Variants in CLSPN observed in about 807,000 individuals in gnomAD.
CLSPN encodes claspin homolog.
CLSPN carries 85 observed loss-of-function variants against 156.3 expected under a neutral mutation model. That is an observed-to-expected ratio of 0.54 (90% confidence interval 0.46 to 0.65). The LOEUF is 0.65. Ranked by LOEUF, CLSPN falls within the 30% of genes least tolerant of loss-of-function variation. CLSPN has a pLI of 0.00. For missense variants in CLSPN, 1,407 were observed against 1,554.9 expected (o/e 0.90, Z 1.60); for synonymous variants, 534 against 542.4 (o/e 0.98, Z 0.22).
At chr1:35,764,042 C>T (rs1200496054) in intron 3 of CLSPN, among the ~76,000 whole-genome samples, 1 of 152,066 alleles carries the variant, frequency 6.6e-6, no homozygotes, top group African/African-American at 2.4e-5. Context: ...TTAAGTGACC[C>T]TCTGGCCTCA....
chr1:35,733,009 T>G lies in CLSPN; in HGVS notation c.*3487A>C. ...AGAGGGAGTCTCACTCTGTCGCCCA[T>G]GCTGGAGAGCAGTGGCGTGATCTCG... On this transcript the variant is annotated 3_prime_UTR_variant, in exon 25 of 25. Transcript: ENST00000318121. 1.1e-6 allele frequency: 1 copy of G among 951,194 alleles called. No homozygotes were observed. Among genetic ancestry groups the G allele is most frequent in the Non-Finnish European group, 1.3e-6 (1 of 798,946 alleles). 58.9% of individuals were successfully genotyped at this position (951,194 alleles called of 1,614,324 possible). A position where few individuals can be genotyped will look rare whatever the true frequency, so the allele number is the denominator to read the frequency against.
In CLSPN at chr1:35,734,542, G is replaced by A. The variant is rs1641397194; in HGVS notation, c.*1954C>T. 2 of 286,992 alleles carry A rather than the reference G, an allele frequency of 7.0e-6. No homozygotes were observed. The highest frequency in any genetic ancestry group is 6.5e-5 in the Admixed American group (1 of 15,370). 17.8% of individuals were successfully genotyped at this position (286,992 alleles called of 1,614,324 possible). A position where few individuals can be genotyped will look rare whatever the true frequency, so the allele number is the denominator to read the frequency against. On this transcript the variant is annotated 3_prime_UTR_variant, in exon 25 of 25. Transcript: ENST00000318121. ...TAAAAATACAAAAAATTAGCTGGGA[G>A]TGGTGGCAGGTGCCTGTAATCCCTG...
intron 24 of CLSPN, among the ~76,000 whole-genome samples, chr1:35,721,534 C>T (rs574279784): frequency 6.6e-6 from 1 of 152,040 alleles, no homozygotes; most frequent in Admixed American, 6.5e-5. Flanking sequence ...GTTACAGGCG[C>T]GTGCCACCAC....
At position 35,764,682 on chromosome 1, in the gene CLSPN, A is replaced by G; in HGVS notation, c.166T>C (p.Leu56=). ...TCTTGTAGAACCTTCCTGTTTTTCA[A>G]CTTCTTACTTACAAATATCTCTTCA... ...SDEEIFVSKK[L]KNRKVLQDSD... The change falls in exon 3 of 25, where the codon TTG becomes CTG. Residue 56 remains leucine (L), a synonymous_variant. Transcript: ENST00000318121. 2 of 1,581,314 alleles carry G rather than the reference A, an allele frequency of 1.3e-6. No homozygotes were observed. The highest frequency in any genetic ancestry group is 8.5e-7 in the Non-Finnish European group (1 of 1,170,330).
In CLSPN at chr1:35,733,406, C is replaced by A. The variant is rs1641368361; in HGVS notation, c.*3090G>T. ...CTGAGTTCAAGCAATGCACCCACCTCAGTCTCCTAAAGTGCTGGCGTGAGC... is the reference window on the plus strand; with the variant it reads ...CTGAGTTCAAGCAATGCACCCACCTAAGTCTCCTAAAGTGCTGGCGTGAGC... On this transcript the variant is annotated 3_prime_UTR_variant, in exon 25 of 25. Transcript: ENST00000318121. 6 of 908,756 alleles carry A rather than the reference C, an allele frequency of 6.6e-6. No individual in the cohort carries two copies. Among genetic ancestry groups the A allele is most frequent in the Non-Finnish European group, 7.9e-6 (6 of 762,456 alleles). The allele number at this position is 908,756 out of a possible 1,614,324, so 56.3% of individuals were successfully genotyped here. A position where few individuals can be genotyped will look rare whatever the true frequency, so the allele number is the denominator to read the frequency against.
rs1641879162 is a variant in CLSPN at position 35,746,266 on chromosome 1, C to A, written c.2854+500G>T. On this transcript the variant is annotated intron_variant, in intron 15 of 24. Transcript: ENST00000318121. This position sits in a 1 kb window ranked among gnomAD's most constrained non-coding sequence, Gnocchi z 4.2. ...GGCCTAAAGTAGTCTTAAGTTGATA[C>A]TTTACCACTCTAAGAAAGTAAGAGT... 6.6e-6 allele frequency among the ~76,000 whole-genome samples: 1 copy of A among 152,196 alleles called. No homozygotes were observed. The highest frequency in any genetic ancestry group is 2.1e-4 in the South Asian group (1 of 4,830).
At chr1:35,742,998 G>A in intron 18 of CLSPN, 143 bp downstream of exon 18, 3 of 630,646 alleles carry the variant, frequency 4.8e-6, no homozygotes, top group Non-Finnish European at 8.6e-6. Flanking sequence ...CCAAGACCAG[G>A]CTGGTCTTGA....
intron 1 of CLSPN, among the ~76,000 whole-genome samples, chr1:35,768,405 G>C (rs927838092): frequency 6.8e-6 from 1 of 147,880 alleles, no homozygotes; most frequent in Non-Finnish European, 1.5e-5. Context: ...TGAATGCAAG[G>C]TACAAATTTT....
At chr1:35,721,540 A>G (rs1571178696) in intron 24 of CLSPN, among the ~76,000 whole-genome samples, 1 of 152,002 alleles carries the variant, frequency 6.6e-6, no homozygotes, top group Admixed American at 6.5e-5. Context: ...GGCGCGTGCC[A>G]CCACACCCGG....
Position 35,732,799 on chromosome 1 carries a change from T to C in CLSPN, c.*3697A>G. ...CTCAGTGCTTTGGGCAAAGGGCATA[T>C]GGGTCAGATTGAAACTGTCCATGTC... On this transcript the variant is annotated 3_prime_UTR_variant, in exon 25 of 25. Coordinates refer to ENST00000318121, the MANE Select transcript of CLSPN (RefSeq NM_022111.4). The C allele has an allele frequency of 1.0e-6, 1 of 985,412 alleles. No individual in the cohort carries two copies. The highest frequency in any genetic ancestry group is 1.2e-6 in the Non-Finnish European group (1 of 829,938). The allele number at this position is 985,412 out of a possible 1,614,324, so 61.0% of individuals were successfully genotyped here. A position where few individuals can be genotyped will look rare whatever the true frequency, so the allele number is the denominator to read the frequency against.
intron 16 of CLSPN, 123 bp from the exon 17 acceptor site, chr1:35,743,653 T>G: frequency 2.9e-6 from 2 of 681,908 alleles, no homozygotes; most frequent in Non-Finnish European, 5.1e-6. Context: ...TGAGACAGTC[T>G]TGGTCTCTTA....
At chr1:35,725,981 G>C (rs2148606583) in intron 24 of CLSPN, among the ~76,000 whole-genome samples, 1 of 151,864 alleles carries the variant, frequency 6.6e-6, no homozygotes, top group Admixed American at 6.6e-5. Flanking sequence ...TTTGCCTCAA[G>C]CTTGCCCTTC....
At chr1:35,744,963 G>A (rs1464555778) in intron 16 of CLSPN, among the ~76,000 whole-genome samples, 4 of 152,190 alleles carry the variant, frequency 2.6e-5, no homozygotes, top group Middle Eastern at 3.4e-3. Context: ...ACAGGCATGC[G>A]CCACCATGCC....
At chr1:35,747,563 G>A (rs995391958) in intron 14 of CLSPN, among the ~76,000 whole-genome samples, 10 of 152,156 alleles carry the variant, frequency 6.6e-5, no homozygotes, top group African/African-American at 2.4e-4. Flanking sequence ...GCAGGGCTTG[G>A]CATTATGTCC....
rs186525910 is a variant in CLSPN, at chr1:35,721,099, C to G, written c.3910-119G>C. Reference sequence around the variant, plus strand: ...TTATAGTTTTGTATGCCTTATTTTGCCAAGCCTAACTTGAGTGGAATTTCT... The same window carrying G: ...TTATAGTTTTGTATGCCTTATTTTGGCAAGCCTAACTTGAGTGGAATTTCT... On this transcript the variant is annotated intron_variant, in intron 24 of 24. Transcript: ENST00000251195. The G allele has an allele frequency of 1.4e-5, 9 of 649,520 alleles. No homozygotes were observed. The Admixed American group carries it at 1.5e-4, about 11-fold the overall frequency. 40.2% of individuals were successfully genotyped at this position (649,520 alleles called of 1,614,324 possible).
chr1:35,769,796 C>A (rs776199293), intron 1 of CLSPN, 51 bp downstream of exon 1: 20 of 1,558,906 alleles, frequency 1.3e-5, no homozygotes, highest in Admixed American at 1.8e-5. Flanking sequence ...CACCTAACCT[C>A]TCGGTGCCCG....
intron 1 of CLSPN, among the ~76,000 whole-genome samples, chr1:35,767,016 G>A (rs1381129992): frequency 6.6e-6 from 1 of 152,040 alleles, no homozygotes; most frequent in Non-Finnish European, 1.5e-5. Flanking sequence ...CAAAATGCTG[G>A]AATTACAAGC....
Position 35,762,491 on chromosome 1 carries a change from A to G in CLSPN, c.745-10T>C. The G allele has an allele frequency of 6.2e-7, 1 of 1,612,112 alleles. No individual in the cohort carries two copies. The highest frequency in any genetic ancestry group is 8.5e-7 in the Non-Finnish European group (1 of 1,178,380). On this transcript the variant is annotated splice_polypyrimidine_tract_variant and intron_variant, in intron 4 of 24. Transcript: ENST00000318121. ...AAGATGGTTCTTTTTTCTAAAAGAAATGGCAGGTTGATTAGGACAAAAACG... is the reference window on the plus strand; with the variant it reads ...AAGATGGTTCTTTTTTCTAAAAGAAGTGGCAGGTTGATTAGGACAAAAACG...
chr1:35,733,225 C>T lies in CLSPN; in HGVS notation c.*3271G>A, dbSNP rs1056375648. 6.6e-6 allele frequency among the ~76,000 whole-genome samples: 1 copy of T among 152,124 alleles called. No homozygotes were observed. Among genetic ancestry groups the T allele is most frequent in the Non-Finnish European group, 1.5e-5 (1 of 68,024 alleles). On this transcript the variant is annotated 3_prime_UTR_variant, in exon 25 of 25. Transcript: ENST00000318121. The stretch of plus-strand genomic sequence containing the variant: ...TTAGGTGATCCAGCTGCCTCAGCCT[C>T]CCAAAGTGCTGAGATTACAGGCATA...
Sources: allele counts gnomAD v4.1 joint callset (sites outside exome capture counted in the v4.1 genomes callset), GRCh38; gene constraint gnomAD v4.1.1; non-coding constraint Gnocchi (gnomAD v3.1); transcripts MANE v1.5; gene names NCBI Gene and HGNC (gene_info 2026-07-23, HGNC 2026-07-21).